KBTBD12: variants seen among roughly 807,000 people sequenced by gnomAD.
The protein encoded by KBTBD12 is kelch repeat and BTB domain containing 12.
A neutral mutation model predicts 58.7 loss-of-function variants in KBTBD12; 53 were observed. The ratio of observed to expected loss-of-function variants is 0.90; its 90% CI spans 0.72 to 1.14. The LOEUF is 1.14. Among genes scored for constraint, KBTBD12 ranks in the 50% most tolerant of loss-of-function variants. The pLI is 0.00. For synonymous variants in KBTBD12, 236 were observed against 259.8 expected (o/e 0.91, Z 0.88); for missense variants, 704 against 751.3 (o/e 0.94, Z 0.74).
At chr3:127,930,962 C>T (rs1426987043) in intron 4 of KBTBD12, among the ~76,000 whole-genome samples, 1 of 152,192 alleles carries the variant, frequency 6.6e-6, no homozygotes, top group Non-Finnish European at 1.5e-5. Flanking sequence ...TACATTCCAT[C>T]TGCCTAACAT....
chr3:127,923,275 G>A lies in KBTBD12; in HGVS notation c.214G>A (p.Val72Ile). The A allele has an allele frequency of 6.2e-7, 1 of 1,613,792 alleles. No individual in the cohort carries two copies. The highest frequency in any genetic ancestry group is 8.5e-7 in the Non-Finnish European group (1 of 1,179,768). ...CGLLECNQRE[V>I]ILYDITAESV... ...ACTACTTGAATGTAATCAAAGGGAA[G>A]TCATACTTTATGACATCACAGCAGA... Residue 72 changes from valine to isoleucine, a missense_variant, in exon 2 of 6, where the codon GTC becomes ATC. Transcript: ENST00000405109.
Position 127,985,628 on chromosome 3 carries a change from G to C in KBTBD12, c.*1350G>C, listed in dbSNP as rs1940951691. On this transcript the variant is annotated 3_prime_UTR_variant, in exon 6 of 6. Transcript: ENST00000405109. ...TAGCCTGTGCCCCTAGGTTCCAGCT[G>C]CCCACCAGGCAGGACAGGCAGGTCT... 6.6e-6 allele frequency: 1 copy of C among 152,296 alleles called. No homozygotes were observed. The highest frequency in any genetic ancestry group is 2.4e-5 in the African/African-American group (1 of 41,452). 9.4% of individuals were successfully genotyped at this position (152,296 alleles called of 1,614,324 possible).
chr3:127,963,440 T>C, intron 5 of KBTBD12, 54 bp downstream of exon 5: 1 of 1,437,684 alleles, frequency 7.0e-7, no homozygotes, highest in Non-Finnish European at 9.4e-7. Context: ...GATTTGACTT[T>C]CTTTAACTGA....
At chr3:127,942,195 G>T (rs1038232051) in intron 4 of KBTBD12, among the ~76,000 whole-genome samples, 3 of 151,996 alleles carry the variant, frequency 2.0e-5, no homozygotes, top group Non-Finnish European at 1.5e-5. Flanking sequence ...TGTATTTAAG[G>T]CATACAACAT....
chr3:127,955,851 G>C (rs968732350), intron 4 of KBTBD12, among the ~76,000 whole-genome samples: 2 of 152,174 alleles, frequency 1.3e-5, no homozygotes, highest in Non-Finnish European at 2.9e-5. Flanking sequence ...CCTCTAAACA[G>C]CATCATTGTG....
intron 4 of KBTBD12, among the ~76,000 whole-genome samples, chr3:127,942,534 A>G (rs1196974889): frequency 6.6e-6 from 1 of 151,732 alleles, no homozygotes; most frequent in Admixed American, 6.6e-5. Flanking sequence ...CCATTTCTTT[A>G]TTCAGTCATC....
In KBTBD12 at chr3:127,923,974, T is replaced by G; in HGVS notation, c.913T>G (p.Ser305Ala). The change falls in exon 2 of 6, where the codon TCA (serine) becomes GCA (alanine). Residue 305 changes from serine (S) to alanine (A), a missense_variant. Ser to Ala is a moderately conservative substitution (Grantham distance 99). Coordinates refer to ENST00000405109, the MANE Select transcript of KBTBD12 (RefSeq NM_207335.4). The stretch of plus-strand genomic sequence containing the variant: ...TGCCAGTTTTTGTTATGATCCTGTA[T>G]CACGGAAAACCTATTTCATCTCATC... ...GDASFCYDPV[S>A]RKTYFISSPK... 6.2e-7 allele frequency: 1 copy of G among 1,613,884 alleles called. No homozygotes were observed. Among genetic ancestry groups the G allele is most frequent in the Non-Finnish European group, 8.5e-7 (1 of 1,179,808 alleles).
intron 5 of KBTBD12, among the ~76,000 whole-genome samples, chr3:127,965,701 C>T (rs973295334): frequency 5.3e-5 from 8 of 152,166 alleles, no homozygotes; most frequent in African/African-American, 1.7e-4. Context: ...ATGTAATAAA[C>T]ATAGTAATTT....
At position 127,969,665 on chromosome 3, in the gene KBTBD12, C is replaced by A. The variant is rs1940647260; in HGVS notation, c.1690+6279C>A. Among the ~76,000 whole-genome samples the A allele has an allele frequency of 1.3e-5, 2 of 152,148 alleles. 1 individual carries two copies. Among genetic ancestry groups the A allele is most frequent in the South Asian group, 4.1e-4 (2 of 4,826 alleles). On this transcript the variant is annotated intron_variant, in intron 5 of 5. Coordinates refer to ENST00000405109, the MANE Select transcript of KBTBD12 (RefSeq NM_207335.4). ...AGACTTGAGAGTTCAGAAATAATCC[C>A]TCCATTTCAGTCAACTGATTTTCAA...
At chr3:127,919,824 A>C (rs562913958) in intron 1 of KBTBD12, among the ~76,000 whole-genome samples, 1 of 152,324 alleles carries the variant, frequency 6.6e-6, no homozygotes, top group South Asian at 2.1e-4. Context: ...GATAATTCAC[A>C]CATGGTTTAC....
At chr3:127,953,897 CCTAAAATAATTTAGT>C (rs1267995736) in intron 4 of KBTBD12, among the ~76,000 whole-genome samples, 11 of 152,146 alleles carry the variant, frequency 7.2e-5, no homozygotes, top group Non-Finnish European at 1.0e-4. Flanking sequence ...TCCTAGAAAG[CCTAAAATAATTTAGT>C]CTATATAAGT....
chr3:127,921,749 A>G (rs1939415756), intron 1 of KBTBD12, among the ~76,000 whole-genome samples: 1 of 152,166 alleles, frequency 6.6e-6, no homozygotes, highest in African/African-American at 2.4e-5. Context: ...GTCAAAGCCA[A>G]TGTTTTTGAG....
chr3:127,938,127 G>A (rs1378261784), intron 4 of KBTBD12, among the ~76,000 whole-genome samples: 2 of 152,024 alleles, frequency 1.3e-5, no homozygotes, highest in Admixed American at 1.3e-4. Context: ...AAAGAATGTG[G>A]TAAACATATG....
At chr3:127,962,156 C>G (rs1172248812) in intron 4 of KBTBD12, among the ~76,000 whole-genome samples, 2 of 152,116 alleles carry the variant, frequency 1.3e-5, no homozygotes, top group African/African-American at 2.4e-5. Flanking sequence ...ATGAGGTCAT[C>G]GATGAGAGGC....
rs1939495322 is a variant in KBTBD12 at position 127,923,925 on chromosome 3, A to T, written c.864A>T (p.Arg288Ser). 1 of 1,613,812 alleles carries T rather than the reference A, an allele frequency of 6.2e-7. No individual in the cohort carries two copies. The highest frequency in any genetic ancestry group is 8.5e-7 in the Non-Finnish European group (1 of 1,179,836). Residue 288 changes from arginine to serine, a missense_variant, in exon 2 of 6, where the codon AGA (arginine) becomes AGT (serine). By Grantham distance (110) the Arg-to-Ser change is moderately radical. Coordinates refer to ENST00000405109, the MANE Select transcript of KBTBD12 (RefSeq NM_207335.4). ...TTGGCAACAATTCTTCAGGAATCAG[A>T]TCAAGACATAGGAGCTATGGGGATG... ...LCIGNNSSGI[R>S]SRHRSYGDAS...
rs770627783 is a variant in KBTBD12, at chr3:127,923,549, T to C, written c.488T>C (p.Val163Ala). Residue 163 changes from valine to alanine, a missense_variant, in exon 2 of 6, where the codon GTG (valine) becomes GCG (alanine). Transcript: ENST00000405109. The stretch of plus-strand genomic sequence containing the variant: ...TATTTATATCAGCACTTTGCCGAGG[T>C]GAGCTTACATGAAGAAATACTAGAA... Reference protein sequence around the residue: ...KKYLYQHFAEVSLHEEILEIE... With the variant: ...KKYLYQHFAEASLHEEILEIE... 17 of 1,612,946 alleles carry C rather than the reference T, an allele frequency of 1.1e-5. No individual in the cohort carries two copies. In the Admixed American group the frequency reaches 2.8e-4, roughly 27 times the overall value.
chr3:127,966,827 G>A (rs906568284), intron 5 of KBTBD12, among the ~76,000 whole-genome samples: 3 of 151,938 alleles, frequency 2.0e-5, no homozygotes, highest in Non-Finnish European at 2.9e-5. Context: ...CAGAACACTG[G>A]GGAAAAAAAT....
intron 5 of KBTBD12, among the ~76,000 whole-genome samples, chr3:127,965,083 G>T (rs1216138446): frequency 6.6e-6 from 1 of 152,218 alleles, no homozygotes. Context: ...CTGGCCTTTG[G>T]CTTTCTCTTG....
intron 5 of KBTBD12, among the ~76,000 whole-genome samples, chr3:127,971,223 A>C (rs1216758551): frequency 6.6e-6 from 1 of 152,102 alleles, no homozygotes; most frequent in African/African-American, 2.4e-5. Context: ...GGATGACAAC[A>C]CTGTGGCCTT....
Sources: allele counts gnomAD v4.1 joint callset (sites outside exome capture counted in the v4.1 genomes callset), GRCh38; gene constraint gnomAD v4.1.1; transcripts MANE v1.5; gene names NCBI Gene and HGNC (gene_info 2026-07-23, HGNC 2026-07-21).